Variants in CPXM2 observed in about 807,000 individuals in gnomAD.
CPXM2 encodes the protein carboxypeptidase X, M14 family member 2.
In CPXM2, 66 loss-of-function variants were observed where a neutral mutation model predicts 86.1. That is an observed-to-expected ratio of 0.77 (90% CI 0.63 to 0.94). CPXM2 has a LOEUF of 0.94. CPXM2 is among the 40% of genes least tolerant of loss of function. The pLI is 0.00. For missense variants in CPXM2, 948 were observed against 1,026.3 expected (o/e 0.92, Z 1.04); for synonymous variants, 388 against 400.2 (o/e 0.97, Z 0.36).
At chr10:123,903,145 C>T (rs1275386534) in intron 2 of CPXM2, among the ~76,000 whole-genome samples, 2 of 152,216 alleles carry the variant, frequency 1.3e-5, no homozygotes, top group Non-Finnish European at 2.9e-5. Flanking sequence ...GTGGCTTTCC[C>T]AGCCCTCATG....
At position 123,754,386 on chromosome 10, in the gene CPXM2, T is replaced by C. The variant is rs1439526024; in HGVS notation, c.2017+277A>G. 1.3e-5 allele frequency among the ~76,000 whole-genome samples: 2 copies of C among 152,232 alleles called. No homozygotes were observed. The highest frequency in any genetic ancestry group is 2.4e-5 in the African/African-American group (1 of 41,466). ...TGCAACAACTCCATGGAGACAGAGC[T>C]GCTTCCTCAACTCCTTAGAAACTTC... On this transcript the variant is annotated intron_variant, in intron 13 of 13. Transcript: ENST00000241305. This position sits in a 1 kb window ranked among gnomAD's most constrained non-coding sequence, Gnocchi z 4.0.
In CPXM2 at chr10:123,807,073, G is replaced by C. The variant is rs141449932; in HGVS notation, c.654-7874C>G. 2.8e-3 allele frequency among the ~76,000 whole-genome samples: 423 copies of C among 152,314 alleles called. 3 individuals are homozygous for C. Among genetic ancestry groups the C allele is most frequent in the African/African-American group, 9.5e-3 (396 of 41,558 alleles). Reference sequence around the variant, plus strand: ...GTGAGTAGGGATTGAATGGGGTAATGCAAGTAGTCTGAGCACAGTGCCTGG... The same window carrying C: ...GTGAGTAGGGATTGAATGGGGTAATCCAAGTAGTCTGAGCACAGTGCCTGG... On this transcript the variant is annotated intron_variant, in intron 4 of 13. Transcript: ENST00000241305.
intron 4 of CPXM2, among the ~76,000 whole-genome samples, chr10:123,839,739 A>C (rs988979924): frequency 6.6e-6 from 1 of 152,272 alleles, no homozygotes; most frequent in Non-Finnish European, 1.5e-5. Flanking sequence ...ACATACTGAG[A>C]TAGAAAAAGG....
At chr10:123,815,796 C>T (rs563988351) in intron 4 of CPXM2, among the ~76,000 whole-genome samples, 10 of 152,176 alleles carry the variant, frequency 6.6e-5, no homozygotes, top group South Asian at 2.1e-4. Flanking sequence ...ACACCAGACT[C>T]GAAAATACTG....
intron 1 of CPXM2, among the ~76,000 whole-genome samples, chr10:123,887,874 T>A (rs1945205008): frequency 6.6e-6 from 1 of 152,238 alleles, no homozygotes. Flanking sequence ...TGTGAGTTTA[T>A]AATTATTTCA....
intron 4 of CPXM2, among the ~76,000 whole-genome samples, chr10:123,832,293 G>C (rs944736116): frequency 1.1e-4 from 16 of 152,284 alleles, no homozygotes; most frequent in African/African-American, 3.8e-4. Context: ...CCCCAACTCA[G>C]AAGCACTCAG....
chr10:123,783,210 G>A (rs1846974571), intron 6 of CPXM2, among the ~76,000 whole-genome samples: 2 of 152,244 alleles, frequency 1.3e-5, no homozygotes, highest in African/African-American at 4.8e-5. Flanking sequence ...AGTGGCCCAT[G>A]CCGCTGTTCT....
At chr10:123,867,818 C>T (rs2134207240) in intron 2 of CPXM2, among the ~76,000 whole-genome samples, 1 of 152,320 alleles carries the variant, frequency 6.6e-6, no homozygotes, top group East Asian at 1.9e-4. Context: ...CAGGCATGAG[C>T]CACTGCGCCC....
chr10:123,751,883 A>C (rs1260744963), intron 13 of CPXM2: 15 of 985,262 alleles, frequency 1.5e-5, no homozygotes, highest in Non-Finnish European at 1.6e-5. Flanking sequence ...CAAGGGAGGG[A>C]GATGCATTTC....
intron 2 of CPXM2, among the ~76,000 whole-genome samples, chr10:123,870,374 T>C (rs889514587): frequency 3.9e-5 from 6 of 152,326 alleles, no homozygotes; most frequent in African/African-American, 9.6e-5. Flanking sequence ...TCCGAGGCCC[T>C]GTAGCCTACT....
intron 11 of CPXM2, among the ~76,000 whole-genome samples, chr10:123,759,811 G>A (rs1191081085): frequency 1.3e-5 from 2 of 152,250 alleles, no homozygotes; most frequent in Non-Finnish European, 2.9e-5. Flanking sequence ...CAGGAACAGA[G>A]AGGGTCACAG....
At chr10:123,831,319 A>G (rs578086264) in intron 4 of CPXM2, among the ~76,000 whole-genome samples, 14 of 152,292 alleles carry the variant, frequency 9.2e-5, no homozygotes, top group Non-Finnish European at 1.6e-4. Context: ...AACTCATAAG[A>G]ATCCTAAAGA....
intron 3 of CPXM2, among the ~76,000 whole-genome samples, chr10:123,857,051 G>A (rs1848741450): frequency 6.6e-6 from 1 of 152,148 alleles, no homozygotes; most frequent in Non-Finnish European, 1.5e-5. Context: ...GGGGTCCTGG[G>A]CGCACAGGAA....
chr10:123,782,273 C>T (rs147910535), intron 6 of CPXM2, among the ~76,000 whole-genome samples: 3 of 152,316 alleles, frequency 2.0e-5, no homozygotes, highest in Non-Finnish European at 4.4e-5. Context: ...CTAACTTACT[C>T]GCAGGCTATT....
Position 123,746,708 on chromosome 10 carries a change from TA to T in CPXM2, c.*55del. On this transcript the variant is annotated 3_prime_UTR_variant, in exon 14 of 14. Coordinates refer to ENST00000241305, the MANE Select transcript of CPXM2 (RefSeq NM_198148.3). ...GTGAGTGAGTCCACTATGGAGCTAC[TA>T]CCAGGTTGGTTTAATTTGCATGGGT... 1.3e-6 allele frequency: 2 copies of T among 1,549,384 alleles called. No individual in the cohort carries two copies. Among genetic ancestry groups the T allele is most frequent in the Non-Finnish European group, 1.8e-6 (2 of 1,130,502 alleles).
chr10:123,854,358 A>AT (rs1482686215), intron 3 of CPXM2, among the ~76,000 whole-genome samples: 3 of 118,808 alleles, frequency 2.5e-5, no homozygotes, highest in South Asian at 2.3e-4. Context: ...ATATATATAT[A>AT]AAAATATATA....
intron 8 of CPXM2, 150 bp downstream of exon 8, chr10:123,770,766 C>T (rs1589980027): frequency 1.3e-6 from 1 of 776,160 alleles, no homozygotes; most frequent in East Asian, 2.5e-5. Flanking sequence ...ACAGAGCCAA[C>T]ATGGGCAAAA....
rs746005645 is a variant in CPXM2 at position 123,757,328 on chromosome 10, T to G, written c.1802A>C (p.His601Pro). ...GATGGACAGTTCGAAGCAGTTTGTA[T>G]GAAGGTAGCTGAAATCGTTCAGACC... The part of the protein sequence containing the change: ...AGSLNDFSYL[H>P]TNCFELSIYV... The change falls in exon 12 of 14, where the codon CAT becomes CCT. Residue 601 changes from histidine to proline, a missense_variant. Physicochemically the swap from His to Pro is moderately conservative, Grantham distance 77 (BLOSUM62 -2). Transcript: ENST00000241305. 2.5e-6 allele frequency: 4 copies of G among 1,613,864 alleles called. No individual in the cohort carries two copies. The highest frequency in any genetic ancestry group is 3.4e-6 in the Non-Finnish European group (4 of 1,179,758).
intron 7 of CPXM2, among the ~76,000 whole-genome samples, chr10:123,774,456 T>C (rs890774906): frequency 1.3e-5 from 2 of 152,232 alleles, no homozygotes; most frequent in South Asian, 4.1e-4. Context: ...TTATGTAAAA[T>C]TTATGATACG....
Sources: allele counts gnomAD v4.1 joint callset (sites outside exome capture counted in the v4.1 genomes callset), GRCh38; gene constraint gnomAD v4.1.1; non-coding constraint Gnocchi (gnomAD v3.1); transcripts MANE v1.5; gene names NCBI Gene and HGNC (gene_info 2026-07-23, HGNC 2026-07-21).